Variants in SMN2 observed in about 807,000 individuals in gnomAD.
SMN2 encodes survival of motor neuron 2, centromeric.
A neutral mutation model predicts 2.8 loss-of-function variants in SMN2; 1 was observed. The ratio of observed to expected loss-of-function variants is 0.35; its 90% CI spans 0.13 to 1.68. SMN2 has a LOEUF of 1.68. Ranked by LOEUF, SMN2 falls within the 40% of genes most tolerant of loss-of-function variation. The pLI is 0.35. For missense variants in SMN2, 12 were observed against 16.9 expected (o/e 0.71, Z 0.51); for synonymous variants, 5 against 5.0 (o/e 0.99, Z 0.01).
chr5:70,085,303 A>G, the SMN2 span, among the ~76,000 whole-genome samples: 3 of 129,626 alleles, frequency 2.3e-5, 1 homozygote, highest in East Asian at 2.2e-4. Flanking sequence ...GTGCAATGGC[A>G]TAATCTCGGC....
the SMN2 span, among the ~76,000 whole-genome samples, chr5:70,085,277 TG>T: frequency 3.1e-5 from 4 of 127,292 alleles, 1 homozygote; most frequent in African/African-American, 7.1e-5. Flanking sequence ...AGTCTCACTC[TG>T]TCACCCAGGC....
At chr5:70,088,369 T>C in the SMN2 span, among the ~76,000 whole-genome samples, 33 of 103,322 alleles carry the variant, frequency 3.2e-4, no homozygotes, top group African/African-American at 9.8e-4. Context: ...TGAGTAGTGG[T>C]TGGAAGAGTT....
the SMN2 span, among the ~76,000 whole-genome samples, chr5:70,083,744 T>G: frequency 7.7e-6 from 1 of 130,150 alleles, no homozygotes; most frequent in African/African-American, 3.5e-5. Flanking sequence ...TAGGTGGGAA[T>G]TGAACAATGA....
the SMN2 span, among the ~76,000 whole-genome samples, chr5:70,083,895 A>G: frequency 1.6e-5 from 2 of 128,932 alleles, 1 homozygote; most frequent in African/African-American, 7.5e-5. Flanking sequence ...TGGCACATGT[A>G]TACATATGTA....
At chr5:70,079,781 C>T, downstream of SMN2, among the ~76,000 whole-genome samples, 1 of 113,328 alleles carries the variant, frequency 8.8e-6, no homozygotes, top group Non-Finnish European at 1.7e-5. Flanking sequence ...CAAACCAAAG[C>T]AACAAACAAA....
downstream of SMN2, among the ~76,000 whole-genome samples, chr5:70,079,554 A>C (rs1304314563): frequency 4.2e-5 from 6 of 142,996 alleles, no homozygotes; most frequent in Non-Finnish European, 7.5e-5. Flanking sequence ...CCAGGAGTTC[A>C]AGACCAGCAT....
intron 7 of SMN2, among the ~76,000 whole-genome samples, chr5:70,076,107 G>A (rs1580734181): frequency 8.4e-6 from 1 of 118,554 alleles, no homozygotes; most frequent in Admixed American, 8.7e-5. Flanking sequence ...CAACTGTCTC[G>A]GCCTCCCAAA....
chr5:70,070,113 A>G (rs1339882254), intron 6 of SMN2, among the ~76,000 whole-genome samples: 2 of 126,276 alleles, frequency 1.6e-5, no homozygotes, highest in Non-Finnish European at 3.2e-5. Context: ...TACCCAAGAC[A>G]TTTACTTAAA....
At chr5:70,088,865 CACACGTT>C in the SMN2 span, among the ~76,000 whole-genome samples, 43 of 35,436 alleles carry the variant, frequency 1.2e-3, 3 homozygotes, top group Admixed American at 0.012. Context: ...GAGCAAAAGT[CACACGTT>C]ATGCCTTAGC....
At chr5:70,071,088 CTTTTTTTTTTTTTT>C (rs1164147978) in intron 7 of SMN2, 4 of 51,032 alleles carry the variant, frequency 7.8e-5, no homozygotes, top group African/African-American at 4.8e-4. Context: ...AAATGAAATT[CTTTTTTTTTTTTTT>C]TTTTTTTTGA....
downstream of SMN2, among the ~76,000 whole-genome samples, chr5:70,080,026 A>T (rs913257077): frequency 3.7e-5 from 4 of 107,622 alleles, no homozygotes; most frequent in Admixed American, 4.0e-4. Flanking sequence ...GTGAATTTTT[A>T]AAAAACATGT....
chr5:70,083,898 C>G, the SMN2 span, among the ~76,000 whole-genome samples: 1 of 127,978 alleles, frequency 7.8e-6, no homozygotes, highest in Non-Finnish European at 1.6e-5. Flanking sequence ...CACATGTATA[C>G]ATATGTAACT....
rs1429154871 is a variant in SMN2, at chr5:70,076,565, A to G, written c.879A>G (p.Leu293=). The part of the protein sequence containing the change: ...NQKEGRCSHS[L]N The stretch of plus-strand genomic sequence containing the variant: ...AAGAAGGAAGGTGCTCACATTCCTT[A>G]AATTAAGGAGTAAGTCTGCCAGCAT... The change falls in exon 8 of 9, where the codon TTA becomes TTG. Residue 293 remains leucine, a synonymous_variant. Coordinates refer to ENST00000380743, the MANE Select transcript of SMN2 (RefSeq NM_017411.4). 2.0e-5 allele frequency: 29 copies of G among 1,463,590 alleles called. 5 individuals are homozygous for G. The highest frequency in any genetic ancestry group is 2.6e-5 in the Non-Finnish European group (28 of 1,077,246). 90.7% of individuals were successfully genotyped at this position (1,463,590 alleles called of 1,614,324 possible).
downstream of SMN2, among the ~76,000 whole-genome samples, chr5:70,079,088 G>T (rs1774812383): frequency 9.1e-6 from 1 of 109,890 alleles, no homozygotes; most frequent in East Asian, 2.4e-4. Flanking sequence ...ATGAACTTAA[G>T]TCTTGTGATG....
the SMN2 span, among the ~76,000 whole-genome samples, chr5:70,085,479 G>C: frequency 8.4e-6 from 1 of 118,408 alleles, no homozygotes; most frequent in African/African-American, 4.0e-5. Flanking sequence ...CTGACCTCAA[G>C]TGATCCACCC....
downstream of SMN2, chr5:70,077,925 T>C (rs1774803360): frequency 8.5e-6 from 1 of 117,736 alleles, no homozygotes; most frequent in African/African-American, 4.4e-5. Context: ...TTAGTAGAGA[T>C]GGAGTTTCAC....
At chr5:70,052,881 C>CA (rs1319873489) in intron 1 of SMN2, among the ~76,000 whole-genome samples, 17 of 71,182 alleles carry the variant, frequency 2.4e-4, no homozygotes, top group Admixed American at 3.3e-4. Context: ...GACTCTGCCT[C>CA]AAAAAAAAAA....
Position 70,076,782 on chromosome 5 carries a change from G to A in SMN2, c.*3+208G>A. The stretch of plus-strand genomic sequence containing the variant: ...CTACTAGAATTCTCATACTTAACTG[G>A]TTGGTTGTGTGGAAGAAACATACTT... On this transcript the variant is annotated intron_variant, in intron 8 of 8. Transcript: ENST00000380743. 3.0e-6 allele frequency: 4 copies of A among 1,335,580 alleles called. No homozygotes were observed. In the Admixed American group the frequency reaches 1.1e-4, roughly 38 times the overall value. 82.7% of individuals were successfully genotyped at this position (1,335,580 alleles called of 1,614,324 possible).
the SMN2 span, among the ~76,000 whole-genome samples, chr5:70,084,695 G>C: frequency 5.1e-5 from 7 of 137,930 alleles, 2 homozygotes; most frequent in Non-Finnish European, 9.1e-5. Context: ...CTTTTCATGT[G>C]TTTAAGAACT....
Sources: gnomAD v4.1 joint callset for allele counts (sites outside exome capture counted in the v4.1 genomes callset) on GRCh38, gnomAD v4.1.1 for gene constraint, MANE v1.5 for transcripts, NCBI Gene and HGNC (gene_info 2026-07-23, HGNC 2026-07-21) for gene names.